ZNF43: variants seen among roughly 807,000 people sequenced by gnomAD.
ZNF43 encodes zinc finger protein 43.
ZNF43 carries 44 observed loss-of-function variants against 68.4 expected under a neutral mutation model. The observed-to-expected ratio is 0.64, with a 90% CI of 0.51 to 0.83. ZNF43 has a LOEUF of 0.83. ZNF43 is among the 40% of genes least tolerant of loss of function. The pLI is 0.00. For missense variants in ZNF43, 896 were observed against 933.2 expected, an observed-to-expected ratio of 0.96 and a Z score of 0.52; for synonymous variants, 308 against 307.8, an observed-to-expected ratio of 1.00 and a Z score of -0.01.
intron 1 of ZNF43, among the ~76,000 whole-genome samples, chr19:21,834,066 G>A (rs559333113): frequency 7.2e-5 from 11 of 151,788 alleles, no homozygotes; most frequent in Admixed American, 5.9e-4. Context: ...CTGTGCCTAG[G>A]GAAAACAAAA....
chr19:21,829,937 A>G (rs1008667860), intron 1 of ZNF43, among the ~76,000 whole-genome samples: 23 of 152,146 alleles, frequency 1.5e-4, no homozygotes, highest in African/African-American at 5.3e-4. Context: ...TGAACTGGAG[A>G]GTTAGACAAA....
chr19:21,839,446 A>G (rs1425925234), upstream of ZNF43, among the ~76,000 whole-genome samples: 1 of 151,972 alleles, frequency 6.6e-6, no homozygotes, highest in Admixed American at 6.6e-5. Context: ...GTCACATCAC[A>G]TAAGTGCTTG....
intron 2 of ZNF43, among the ~76,000 whole-genome samples, chr19:21,818,324 A>G (rs1019047035): frequency 2.0e-5 from 3 of 152,042 alleles, no homozygotes; most frequent in African/African-American, 4.8e-5. Flanking sequence ...GCTGGTCTCA[A>G]ACTCCTGACC....
At position 21,819,114 on chromosome 19, in the gene ZNF43, G is replaced by A; in HGVS notation, c.111C>T (p.Tyr37=). Residue 37 remains tyrosine (Y), a synonymous_variant, in exon 2 of 4, where the codon TAC becomes TAT. Transcript: ENST00000354959. ...GCTCACCCAGGAAGACCAGGTTTCT[G>A]TAGTTCTCTAACATCACATTCCTAT... ...NLYRNVMLEN[Y]RNLVFLGIAV... 1 of 1,611,446 alleles carries A rather than the reference G, an allele frequency of 6.2e-7. No homozygotes were observed.
chr19:21,809,586 A>T lies in ZNF43; in HGVS notation c.451T>A (p.Cys151Ser). The T allele has an allele frequency of 6.2e-7, 1 of 1,611,828 alleles. No homozygotes were observed. Among genetic ancestry groups the T allele is most frequent in the Non-Finnish European group, 8.5e-7 (1 of 1,179,128 alleles). Reference sequence around the variant, plus strand: ...GAAAATTTATGAAAGGCTTTCACACATTTATCAAATAGAAATATTTTGCTC... The same window carrying T: ...GAAAATTTATGAAAGGCTTTCACACTTTTATCAAATAGAAATATTTTGCTC... ...TQSKIFLFDK[C>S]VKAFHKFSNS... The change falls in exon 4 of 4, where the codon TGT (cysteine) becomes AGT (serine). Residue 151 changes from cysteine (C) to serine (S), a missense_variant. By Grantham distance (112) the Cys-to-Ser change is moderately radical (BLOSUM62 -1). Transcript: ENST00000354959.
At position 21,807,356 on chromosome 19, in the gene ZNF43, ACT is replaced by A. The variant is rs1217614325; in HGVS notation, c.*249_*250del. The A allele has an allele frequency of 6.2e-6, 2 of 324,324 alleles. No homozygotes were observed. The highest frequency in any genetic ancestry group is 4.3e-5 in the African/African-American group (2 of 46,710). The allele number at this position is 324,324 out of a possible 1,614,324, so 20.1% of individuals were successfully genotyped here. On this transcript the variant is annotated 3_prime_UTR_variant, in exon 4 of 4. Coordinates refer to ENST00000354959, the MANE Select transcript of ZNF43 (RefSeq NM_003423.4). ...TCTATAATGGTTTTATTAAGTACAG[ACT>A]CTCTGATGTTGAGTAAGATATGAGC...
intron 1 of ZNF43, chr19:21,826,848 A>C (rs1276283412): frequency 6.6e-6 from 1 of 151,948 alleles, no homozygotes; most frequent in Admixed American, 6.6e-5. Context: ...AAAAAAAAAA[A>C]ACTGTTGGGT....
chr19:21,807,745 A>G lies in ZNF43; in HGVS notation c.2292T>C (p.Cys764=). The G allele has an allele frequency of 6.2e-7, 1 of 1,613,630 alleles. No homozygotes were observed. The highest frequency in any genetic ancestry group is 8.5e-7 in the Non-Finnish European group (1 of 1,179,782). ...GGTTGAAAGCTTTGCCACATTCTTT[A>G]CATTTGTAGGGTTGCTCTTTAGTAT... ...RIHTKEQPYK[C]KECGKAFNQY... Residue 764 remains cysteine, a synonymous_variant, in exon 4 of 4, where the codon TGT becomes TGC. Transcript: ENST00000354959.
Position 21,808,207 on chromosome 19 carries a change from A to C in ZNF43, c.1830T>G (p.Thr610=), listed in dbSNP as rs550420786. ...GKAFTQSSNL[T]THKKIHTGGK... ...CTCCAGTATGAATTTTTTTATGTGT[A>C]GTAAGGTTTGAAGATTGGGTAAAAG... is the stretch of plus-strand genomic sequence containing the variant. Residue 610 remains threonine (T), a synonymous_variant, in exon 4 of 4, where the codon ACT becomes ACG. Coordinates refer to ENST00000354959, the MANE Select transcript of ZNF43 (RefSeq NM_003423.4). 2.5e-6 allele frequency: 4 copies of C among 1,613,084 alleles called. No individual in the cohort carries two copies. In the East Asian group the frequency reaches 6.7e-5, roughly 27 times the overall value.
chr19:21,830,965 T>C (rs886225224), intron 1 of ZNF43, among the ~76,000 whole-genome samples: 1 of 152,160 alleles, frequency 6.6e-6, no homozygotes, highest in Non-Finnish European at 1.5e-5. Context: ...AATCAATAAA[T>C]GTGATTAATC....
rs1248065351 is a variant in ZNF43, at chr19:21,806,063, T to A, written c.*1544A>T. The A allele has an allele frequency of 1.3e-5, 2 of 152,310 alleles. No individual in the cohort carries two copies. The highest frequency in any genetic ancestry group is 4.8e-5 in the African/African-American group (2 of 41,568). The allele number at this position is 152,310 out of a possible 1,614,324, so 9.4% of individuals were successfully genotyped here. A position where few individuals can be genotyped will look rare whatever the true frequency, so the allele number is the denominator to read the frequency against. On this transcript the variant is annotated 3_prime_UTR_variant, in exon 4 of 4. Transcript: ENST00000354959. The stretch of plus-strand genomic sequence containing the variant: ...CAATTTTAACTAAAATAAAAAACTT[T>A]TGTCACTATAATGCAGAAGAATATT...
At chr19:21,821,215 C>G (rs2037828319) in intron 1 of ZNF43, among the ~76,000 whole-genome samples, 2 of 149,640 alleles carry the variant, frequency 1.3e-5, no homozygotes, top group Admixed American at 6.7e-5. Flanking sequence ...CGCGAATCTC[C>G]GCTCACTGCA....
chr19:21,808,159 T>C lies in ZNF43; in HGVS notation c.1878A>G (p.Glu626=). Residue 626 remains glutamate, a synonymous_variant, in exon 4 of 4, where the codon GAA becomes GAG. Transcript: ENST00000354959. ...AGAACTGGTTAAAAGCTTTGCCACA[T>C]TCTTCACATTTGTAGGGTTTTCCTC... ...HTGGKPYKCE[E]CGKAFNQFST... 4 of 1,613,314 alleles carry C rather than the reference T, an allele frequency of 2.5e-6. No homozygotes were observed. The highest frequency in any genetic ancestry group is 4.5e-5 in the East Asian group (2 of 44,818).
chr19:21,833,116 T>C (rs1433119687), intron 1 of ZNF43, among the ~76,000 whole-genome samples: 3 of 152,172 alleles, frequency 2.0e-5, no homozygotes, highest in African/African-American at 7.2e-5. Context: ...CCAAATAAAA[T>C]AGATTTTCCC....
At chr19:21,852,021 C>A (rs1293527758) in exon 1 of ZNF43, 3 of 1,447,436 alleles carry the variant, frequency 2.1e-6, no homozygotes, top group African/African-American at 2.9e-5. Context: ...TTGGAGAACG[C>A]GGAAAAGCAG....
At chr19:21,843,299 T>C (rs993813325) in intron 1 of ZNF43, 2 of 905,530 alleles carry the variant, frequency 2.2e-6, no homozygotes, top group African/African-American at 3.6e-5. Flanking sequence ...GCTCACATTC[T>C]GAGCAGAGGT....
chr19:21,847,619 C>T (rs1419455757), intron 1 of ZNF43, among the ~76,000 whole-genome samples: 5 of 151,968 alleles, frequency 3.3e-5, no homozygotes, highest in Non-Finnish European at 5.9e-5. Context: ...ATCACTTGAA[C>T]CTGGGAGGCG....
chr19:21,845,881 G>A (rs929335579), intron 1 of ZNF43, among the ~76,000 whole-genome samples: 17 of 143,446 alleles, frequency 1.2e-4, no homozygotes, highest in Non-Finnish European at 7.6e-5. Context: ...CAACAAGAGC[G>A]AAACTCTGTC....
At chr19:21,833,111 T>G (rs2038502702) in intron 1 of ZNF43, among the ~76,000 whole-genome samples, 1 of 152,160 alleles carries the variant, frequency 6.6e-6, no homozygotes, top group Admixed American at 6.6e-5. Context: ...TACAGCCAAA[T>G]AAAATAGATT....
Sources: allele counts gnomAD v4.1 joint callset (sites outside exome capture counted in the v4.1 genomes callset), GRCh38; gene constraint gnomAD v4.1.1; transcripts MANE v1.5; gene names NCBI Gene and HGNC (gene_info 2026-07-23, HGNC 2026-07-21).